Variants in ALKBH8 observed in about 807,000 individuals in gnomAD.
The protein encoded by ALKBH8 is tRNA (carboxymethyluridine(34)-5-O)-methyltransferase ALKBH8.
Under a neutral mutation model 59.8 loss-of-function variants are expected in ALKBH8, and 36 were observed. That is an observed-to-expected ratio of 0.60 (90% CI 0.46 to 0.79). The LOEUF (loss-of-function observed/expected upper bound fraction) is 0.79, where lower values mean the gene tolerates loss of function less well. Among genes scored for constraint, ALKBH8 ranks in the 30% least tolerant of loss-of-function variants. ALKBH8 has a pLI of 0.00. For synonymous variants in ALKBH8, 276 were observed against 273.6 expected, an observed-to-expected ratio of 1.01 and a Z score of -0.09; for missense variants, 768 against 801.0, an observed-to-expected ratio of 0.96 and a Z score of 0.50.
chr11:107,545,074 G>C (rs146213090), intron 7 of ALKBH8, among the ~76,000 whole-genome samples: 1 of 152,226 alleles, frequency 6.6e-6, no homozygotes, highest in Non-Finnish European at 1.5e-5. Context: ...ATGGGGCCTG[G>C]AATCAAGATA....
intron 9 of ALKBH8, among the ~76,000 whole-genome samples, 182 bp from the exon 10 acceptor site, chr11:107,522,737 C>T (rs983966392): frequency 2.0e-5 from 3 of 151,932 alleles, no homozygotes; most frequent in South Asian, 4.2e-4. Context: ...GTCTGGGGGG[C>T]CAAGGCTGCA....
rs1393357771 is a variant in ALKBH8, at chr11:107,513,655, A to G, written c.1288-2619T>C. Among the ~76,000 whole-genome samples, 3 of 152,336 alleles carry G rather than the reference A, an allele frequency of 2.0e-5. No homozygotes were observed. The East Asian group carries it at 5.8e-4, about 29-fold the overall frequency. Reference sequence around the variant, plus strand: ...GGAATCAACCTAGGTGCCCATCAAGAGTAGACTGGGTAAACAAATGTGTTA... The same window carrying G: ...GGAATCAACCTAGGTGCCCATCAAGGGTAGACTGGGTAAACAAATGTGTTA... On this transcript the variant is annotated intron_variant, in intron 10 of 11. Coordinates refer to ENST00000428149, the MANE Select transcript of ALKBH8 (RefSeq NM_138775.3).
At chr11:107,533,986 C>T (rs1348658281) in intron 7 of ALKBH8, among the ~76,000 whole-genome samples, 1 of 151,882 alleles carries the variant, frequency 6.6e-6, no homozygotes, top group Non-Finnish European at 1.5e-5. Context: ...AAACATTAGC[C>T]GGGCATAGTG....
intron 7 of ALKBH8, 135 bp from the exon 8 acceptor site, chr11:107,532,541 GC>G: frequency 1.5e-6 from 1 of 654,224 alleles, no homozygotes; most frequent in Non-Finnish European, 2.6e-6. Flanking sequence ...GAAAAGCATA[GC>G]ACAGTGGTTC....
At chr11:107,518,693 G>A (rs536459089) in intron 10 of ALKBH8, among the ~76,000 whole-genome samples, 4 of 152,338 alleles carry the variant, frequency 2.6e-5, no homozygotes, top group East Asian at 3.9e-4. Flanking sequence ...CCATCCCTTC[G>A]TTTCCCGTAA....
At chr11:107,530,648 C>T (rs1289491571) in intron 8 of ALKBH8, among the ~76,000 whole-genome samples, 1 of 131,414 alleles carries the variant, frequency 7.6e-6, no homozygotes, top group African/African-American at 2.8e-5. Flanking sequence ...CACACACACA[C>T]AGAGTGATGT....
At chr11:107,554,191 A>G (rs1864612625) in intron 3 of ALKBH8, among the ~76,000 whole-genome samples, 1 of 152,212 alleles carries the variant, frequency 6.6e-6, no homozygotes, top group Non-Finnish European at 1.5e-5. Flanking sequence ...TACCAACAGC[A>G]AACAGAACAG....
rs565647914 is a variant in ALKBH8 at position 107,560,639 on chromosome 11, C to A, written c.129+126G>T. ...AAGTTAGCAGTTCATATCATATGTA[C>A]CTCTAATATGGATGTAACACATGAC... On this transcript the variant is annotated intron_variant, in intron 2 of 11. Transcript: ENST00000428149. The A allele has an allele frequency of 1.2e-4, 101 of 869,492 alleles. No homozygotes were observed. The South Asian group carries it at 2.5e-3, about 21-fold the overall frequency. 53.9% of individuals were successfully genotyped at this position (869,492 alleles called of 1,614,324 possible). A position where few individuals can be genotyped will look rare whatever the true frequency, so the allele number is the denominator to read the frequency against.
chr11:107,532,321 G>C lies in ALKBH8; in HGVS notation c.857C>G (p.Ser286Cys). 6.2e-7 allele frequency: 1 copy of C among 1,613,348 alleles called. No individual in the cohort carries two copies. The highest frequency in any genetic ancestry group is 1.1e-5 in the South Asian group (1 of 91,042). ...RRSLLVMTGE[S>C]RYLWTHGITC... ...ATACCCATGGGTCCAAAGGTATCTAGATTCTCCTGTCATCACCAGCAAACT... is the reference window on the plus strand; with the variant it reads ...ATACCCATGGGTCCAAAGGTATCTACATTCTCCTGTCATCACCAGCAAACT... Residue 286 changes from serine (S) to cysteine (C), a missense_variant, in exon 8 of 12, where the codon TCT (serine) becomes TGT (cysteine). By Grantham distance (112) the Ser-to-Cys change is moderately radical. Transcript: ENST00000428149.
chr11:107,539,679 A>T (rs1045733803), intron 7 of ALKBH8, among the ~76,000 whole-genome samples: 7 of 152,162 alleles, frequency 4.6e-5, no homozygotes, highest in African/African-American at 1.7e-4. Context: ...AGGGATGTTT[A>T]AAAAACAAAA....
chr11:107,556,456 C>G (rs1864716004), intron 3 of ALKBH8, among the ~76,000 whole-genome samples: 1 of 152,060 alleles, frequency 6.6e-6, no homozygotes, highest in African/African-American at 2.4e-5. Context: ...AATGCAAACC[C>G]TCATTATTAA....
At chr11:107,538,029 AT>A (rs1368741576) in intron 7 of ALKBH8, among the ~76,000 whole-genome samples, 3 of 151,322 alleles carry the variant, frequency 2.0e-5, no homozygotes, top group Non-Finnish European at 4.4e-5. Context: ...GAAGTTCTGA[AT>A]TTTTTTTTAA....
intron 3 of ALKBH8, among the ~76,000 whole-genome samples, chr11:107,555,848 T>A (rs936821251): frequency 1.3e-5 from 2 of 152,176 alleles, no homozygotes; most frequent in African/African-American, 4.8e-5. Flanking sequence ...ATTCTGTAAA[T>A]CAATATATAA....
intron 10 of ALKBH8, among the ~76,000 whole-genome samples, chr11:107,518,445 GC>G (rs1456848532): frequency 6.6e-6 from 1 of 152,162 alleles, no homozygotes; most frequent in Non-Finnish European, 1.5e-5. Flanking sequence ...CCATAAACTG[GC>G]CCCAAAACTG....
Position 107,532,297 on chromosome 11 carries a change from T to C in ALKBH8, c.878+3A>G, listed in dbSNP as rs750372483. The C allele has an allele frequency of 9.9e-6, 16 of 1,610,310 alleles. No homozygotes were observed. Among genetic ancestry groups the C allele is most frequent in the Admixed American group, 1.7e-5 (1 of 59,774 alleles). ...AAGAATCCTGTCATATTTCAATACA[T>C]ACCCATGGGTCCAAAGGTATCTAGA... On this transcript the variant is annotated splice_donor_region_variant and intron_variant, in intron 8 of 11. Coordinates refer to ENST00000428149, the MANE Select transcript of ALKBH8 (RefSeq NM_138775.3).
chr11:107,535,044 T>A (rs996052993), intron 7 of ALKBH8, among the ~76,000 whole-genome samples: 2 of 152,216 alleles, frequency 1.3e-5, no homozygotes, highest in South Asian at 2.1e-4. Flanking sequence ...CTTAGAATAA[T>A]AGTCTCCAGT....
chr11:107,510,867 G>T lies in ALKBH8; in HGVS notation c.1437+20C>A. The T allele has an allele frequency of 6.5e-7, 1 of 1,548,942 alleles. No homozygotes were observed. The highest frequency in any genetic ancestry group is 8.7e-7 in the Non-Finnish European group (1 of 1,145,996). ...CTGCTTTAGCTACAAGTTCTTAAGA[G>T]AAAGAAAGACCATACTTACTGCTGT... On this transcript the variant is annotated intron_variant, in intron 11 of 11. Coordinates refer to ENST00000428149, the MANE Select transcript of ALKBH8 (RefSeq NM_138775.3).
intron 10 of ALKBH8, among the ~76,000 whole-genome samples, chr11:107,511,428 A>G (rs186546502): frequency 7.9e-5 from 12 of 152,298 alleles, no homozygotes; most frequent in African/African-American, 2.9e-4. Flanking sequence ...GCTGCAAATA[A>G]GATGTTCTAA....
At position 107,510,888 on chromosome 11, in the gene ALKBH8, G is replaced by A; in HGVS notation, c.1436C>T (p.Ala479Val). 1 of 1,551,178 alleles carries A rather than the reference G, an allele frequency of 6.4e-7. No individual in the cohort carries two copies. The highest frequency in any genetic ancestry group is 8.7e-7 in the Non-Finnish European group (1 of 1,146,784). The change falls in exon 11 of 12, where the codon GCA becomes GTA. Residue 479 changes from alanine (A) to valine (V), a missense_variant and splice_region_variant. Ala to Val is a moderately conservative substitution (Grantham distance 64, BLOSUM62 0). Transcript: ENST00000428149. ...AAGAGAAAGAAAGACCATACTTACT[G>A]CTGTTGCAAAATGATGAATAACAGC... ...SIAVIHHFATAERRVAALQEI... is the reference protein window; with the variant it reads ...SIAVIHHFATVERRVAALQEI...
Sources: allele counts gnomAD v4.1 joint callset (sites outside exome capture counted in the v4.1 genomes callset), GRCh38; gene constraint gnomAD v4.1.1; transcripts MANE v1.5; gene names NCBI Gene and HGNC (gene_info 2026-07-23, HGNC 2026-07-21).